GARRE1: variants seen among roughly 807,000 people sequenced by gnomAD.
The protein encoded by GARRE1 is granule associated Rac and RHOG effector 1.
GARRE1 carries 49 observed loss-of-function variants against 103.2 expected under a neutral mutation model. The observed-to-expected ratio is 0.47, with a 90% CI of 0.38 to 0.60. The LOEUF (loss-of-function observed/expected upper bound fraction) is 0.60, where lower values mean the gene tolerates loss of function less well. GARRE1 is among the 20% of genes least tolerant of loss of function. The pLI is 0.00. For synonymous variants in GARRE1, 505 were observed against 532.8 expected, an observed-to-expected ratio of 0.95 and a Z score of 0.72; for missense variants, 1,199 against 1,370.5, an observed-to-expected ratio of 0.87 and a Z score of 1.98.
chr19:34,354,178 A>G lies in GARRE1; in HGVS notation c.*1223A>G, dbSNP rs561464098. ...CTTTGAAAAAGTCTGAGAAAAATCCATAATATTTTCTGGTATGAAAGTTTG... is the reference window on the plus strand; with the variant it reads ...CTTTGAAAAAGTCTGAGAAAAATCCGTAATATTTTCTGGTATGAAAGTTTG... On this transcript the variant is annotated 3_prime_UTR_variant, in exon 14 of 14. Coordinates refer to ENST00000299505, the MANE Select transcript of GARRE1 (RefSeq NM_014686.5). 3 of 152,634 alleles carry G rather than the reference A, an allele frequency of 2.0e-5. No individual in the cohort carries two copies. The highest frequency in any genetic ancestry group is 7.2e-5 in the African/African-American group (3 of 41,588). The allele number at this position is 152,634 out of a possible 1,614,324, so 9.5% of individuals were successfully genotyped here. A position where few individuals can be genotyped will look rare whatever the true frequency, so the allele number is the denominator to read the frequency against.
chr19:34,321,993 T>G (rs11878899), intron 3 of GARRE1, among the ~76,000 whole-genome samples: 19,397 of 152,046 alleles, frequency 0.13, 1,538 homozygotes, highest in African/African-American at 0.22. Context: ...GACTAAATGG[T>G]GGGCTGCAGG....
intron 1 of GARRE1, among the ~76,000 whole-genome samples, chr19:34,284,186 G>A (rs139941840): frequency 0.093 from 13,296 of 143,162 alleles, 1,004 homozygotes; most frequent in African/African-American, 0.2. Flanking sequence ...GCTAGAGTGC[G>A]GTGGTGCAAT....
intron 3 of GARRE1, among the ~76,000 whole-genome samples, chr19:34,324,492 T>C (rs1220714597): frequency 1.3e-5 from 2 of 150,754 alleles, no homozygotes; most frequent in Non-Finnish European, 3.0e-5. Flanking sequence ...CAGAAAAATA[T>C]CACCAGTGCA....
chr19:34,354,724 A>G lies in GARRE1; in HGVS notation c.*1769A>G, dbSNP rs1315810740. 6.6e-6 allele frequency: 1 copy of G among 152,402 alleles called. No individual in the cohort carries two copies. Among genetic ancestry groups the G allele is most frequent in the Non-Finnish European group, 1.5e-5 (1 of 67,966 alleles). 9.4% of individuals were successfully genotyped at this position (152,402 alleles called of 1,614,324 possible). The stretch of plus-strand genomic sequence containing the variant: ...TATATGTATGTATGTATGTATGTAA[A>G]CACACACACTAATTTGAGAGGACCC... On this transcript the variant is annotated 3_prime_UTR_variant, in exon 14 of 14. Coordinates refer to ENST00000299505, the MANE Select transcript of GARRE1 (RefSeq NM_014686.5).
In GARRE1 at chr19:34,316,474, C is replaced by A. The variant is rs569056104; in HGVS notation, c.496-3433C>A. Among the ~76,000 whole-genome samples the A allele has an allele frequency of 1.1e-3, 174 of 152,248 alleles. 1 individual carries two copies. The highest frequency in any genetic ancestry group is 3.4e-3 in the Middle Eastern group (1 of 294). On this transcript the variant is annotated intron_variant, in intron 2 of 13. Transcript: ENST00000299505. ...GAAGACGCCCAAAGACTGGCTCATT[C>A]CTGGGTCAAGGAGAGTGGGGTCTGT...
chr19:34,258,662 C>T (rs567791522), intron 1 of GARRE1, among the ~76,000 whole-genome samples: 14 of 151,958 alleles, frequency 9.2e-5, no homozygotes, highest in African/African-American at 2.4e-4. Context: ...TGGCGATGGG[C>T]GCCTGTAGTC....
chr19:34,274,235 G>A (rs532794975), intron 1 of GARRE1, among the ~76,000 whole-genome samples: 57 of 152,102 alleles, frequency 3.7e-4, no homozygotes, highest in South Asian at 1.2e-3. Context: ...GAGAAACCCC[G>A]TCTGTACTAA....
intron 1 of GARRE1, among the ~76,000 whole-genome samples, chr19:34,263,460 G>GTATATGT (rs1196886972): frequency 2.6e-5 from 4 of 151,182 alleles, no homozygotes; most frequent in Middle Eastern, 3.2e-3. Context: ...TTTTCCCTGT[G>GTATATGT]TATATGTATT....
rs771641269 is a variant in GARRE1, at chr19:34,339,946, G to C, written c.1441G>C (p.Val481Leu). ...DPEKTLGLVD[V>L]LYTAVLDLNR... is the part of the protein sequence containing the mutation. ...TGAGAAGACCCTGGGTCTAGTGGAC[G>C]TGCTCTACACAGCTGTGCTGGACCT... The change falls in exon 9 of 14, where the codon GTG becomes CTG. Residue 481 changes from valine (V) to leucine (L), a missense_variant. Physicochemically the swap from Val to Leu is conservative, Grantham distance 32. Coordinates refer to ENST00000299505, the MANE Select transcript of GARRE1 (RefSeq NM_014686.5). The C allele has an allele frequency of 2.5e-6, 4 of 1,614,038 alleles. No homozygotes were observed. Among genetic ancestry groups the C allele is most frequent in the Non-Finnish European group, 3.4e-6 (4 of 1,180,036 alleles).
chr19:34,281,950 A>G (rs1220351325), intron 1 of GARRE1, among the ~76,000 whole-genome samples: 2 of 152,172 alleles, frequency 1.3e-5, no homozygotes, highest in Admixed American at 6.5e-5. Flanking sequence ...CGTTGTAGGT[A>G]AACATCTTTG....
At chr19:34,293,715 A>AACACACACACACACACACAC (rs146336774) in intron 1 of GARRE1, among the ~76,000 whole-genome samples, 2,860 of 100,426 alleles carry the variant, frequency 0.028, 95 homozygotes, top group African/African-American at 0.043. Context: ...TAAACATATA[A>AACACACACACACACACACAC]ACACACACAC....
intron 7 of GARRE1, among the ~76,000 whole-genome samples, chr19:34,331,127 C>T (rs1003569278): frequency 6.6e-5 from 10 of 151,884 alleles, no homozygotes; most frequent in African/African-American, 2.4e-4. Context: ...TCTCGAACTC[C>T]TGACCTCGTG....
Position 34,276,859 on chromosome 19 carries a change from GCCA to G in GARRE1, c.-796+22246_-796+22248del, listed in dbSNP as rs536337528. ...CTTGTGAGAATCCAGCTGTGAACAA[GCCA>G]TTGCTGTCTTTAGGAGCTTATGTGC... On this transcript the variant is annotated intron_variant, in intron 1 of 13. Transcript: ENST00000299505. 6.6e-3 allele frequency among the ~76,000 whole-genome samples: 1,009 copies of G among 152,330 alleles called. 13 individuals carry two copies. The highest frequency in any genetic ancestry group is 0.023 in the African/African-American group (966 of 41,576).
intron 1 of GARRE1, among the ~76,000 whole-genome samples, chr19:34,295,458 T>C (rs1301350985): frequency 6.6e-6 from 1 of 152,130 alleles, no homozygotes; most frequent in Non-Finnish European, 1.5e-5. Context: ...CCATTTTTGA[T>C]GATACTCTTT....
chr19:34,257,916 G>C (rs1470312275), intron 1 of GARRE1, among the ~76,000 whole-genome samples: 2 of 142,696 alleles, frequency 1.4e-5, no homozygotes, highest in Admixed American at 7.2e-5. Context: ...TTGAGACAGA[G>C]TCTTGCTCTG....
chr19:34,255,088 G>T (rs1286508166), intron 1 of GARRE1, among the ~76,000 whole-genome samples: 4 of 152,022 alleles, frequency 2.6e-5, no homozygotes, highest in Admixed American at 2.6e-4. Context: ...TCCCGGGGCT[G>T]CCGGGCGGGC....
At chr19:34,316,422 G>T (rs981890345) in intron 2 of GARRE1, among the ~76,000 whole-genome samples, 44 of 152,246 alleles carry the variant, frequency 2.9e-4, no homozygotes, top group African/African-American at 9.9e-4. Context: ...ACAGCCCTGG[G>T]GTCACACTCT....
At chr19:34,351,339 G>A (rs755174813) in intron 12 of GARRE1, among the ~76,000 whole-genome samples, 175 bp from the exon 13 acceptor site, 1 of 152,050 alleles carries the variant, frequency 6.6e-6, no homozygotes, top group African/African-American at 2.4e-5. Flanking sequence ...GTGCAGGAGC[G>A]CCGTCATTCA....
intron 1 of GARRE1, among the ~76,000 whole-genome samples, chr19:34,277,821 C>G (rs1382510027): frequency 6.6e-6 from 1 of 150,756 alleles, no homozygotes; most frequent in Non-Finnish European, 1.5e-5. Context: ...GGCTAATTTT[C>G]TTTGATTAAG....
Sources: gnomAD v4.1 joint callset for allele counts (sites outside exome capture counted in the v4.1 genomes callset) on GRCh38, gnomAD v4.1.1 for gene constraint, MANE v1.5 for transcripts, NCBI Gene and HGNC (gene_info 2026-07-23, HGNC 2026-07-21) for gene names.